CLSTN1: variants seen among roughly 807,000 people sequenced by gnomAD.
CLSTN1 encodes calsyntenin 1.
A neutral mutation model predicts 108.3 loss-of-function variants in CLSTN1; 28 were observed. The ratio of observed to expected loss-of-function variants is 0.26; its 90% confidence interval spans 0.19 to 0.35. CLSTN1 has a LOEUF of 0.35. Ranked by LOEUF, CLSTN1 falls within the 10% of genes least tolerant of loss-of-function variation. The pLI is 1.00. For missense variants in CLSTN1, 1,157 were observed against 1,302.6 expected (o/e 0.89, Z 1.72); for synonymous variants, 524 against 534.9 (o/e 0.98, Z 0.28).
intron 10 of CLSTN1, 59 bp downstream of exon 10, chr1:9,741,035 A>T: frequency 1.3e-6 from 2 of 1,564,620 alleles, no homozygotes; most frequent in Non-Finnish European, 1.7e-6. Context: ...GCTGCCACCA[A>T]CCTAGTAAAG....
At chr1:9,812,289 G>A (rs965868214) in intron 1 of CLSTN1, among the ~76,000 whole-genome samples, 1 of 152,104 alleles carries the variant, frequency 6.6e-6, no homozygotes, top group Admixed American at 6.6e-5. Flanking sequence ...GCTTGTTGCT[G>A]AGGATGGAAA....
chr1:9,812,936 G>A (rs1389142005), intron 1 of CLSTN1, among the ~76,000 whole-genome samples: 1 of 151,990 alleles, frequency 6.6e-6, no homozygotes, highest in Non-Finnish European at 1.5e-5. Context: ...GGCTGAGGTG[G>A]GAGGATCACT....
intron 16 of CLSTN1, among the ~76,000 whole-genome samples, 182 bp downstream of exon 16, chr1:9,733,219 T>A (rs907354751): frequency 6.6e-6 from 1 of 151,846 alleles, no homozygotes; most frequent in African/African-American, 2.4e-5. Context: ...AACTTGTCAC[T>A]CCAACAAGCC....
At chr1:9,824,354 C>A (rs557982918), upstream of CLSTN1, 1 of 152,172 alleles carries the variant, frequency 6.6e-6, no homozygotes, top group Non-Finnish European at 1.5e-5. The surrounding 1 kb of genome is among the most constrained non-coding windows in gnomAD (Gnocchi z 5.0). Flanking sequence ...TCCTTCTCCA[C>A]CCCGAGGACT....
intron 10 of CLSTN1, among the ~76,000 whole-genome samples, chr1:9,738,961 A>T (rs1650836181): frequency 6.6e-6 from 1 of 152,108 alleles, no homozygotes; most frequent in African/African-American, 2.4e-5. Flanking sequence ...CATCTTTCAT[A>T]AATTTCTAAC....
intron 11 of CLSTN1, among the ~76,000 whole-genome samples, chr1:9,736,859 A>G (rs1650717358): frequency 6.6e-6 from 1 of 152,096 alleles, no homozygotes. Flanking sequence ...GGATCACCTG[A>G]GGTCAGAGTT....
chr1:9,729,420 G>A lies in CLSTN1; in HGVS notation c.*1088C>T, dbSNP rs1443916740. On this transcript the variant is annotated 3_prime_UTR_variant, in exon 19 of 19. Coordinates refer to ENST00000377298, the MANE Select transcript of CLSTN1 (RefSeq NM_001009566.3). Reference sequence around the variant, plus strand: ...AGGGATTTCAACCCCCCTGATGGCAGGGGGTGCTCTGGGGAGGAGAGAGGA... The same window carrying A: ...AGGGATTTCAACCCCCCTGATGGCAAGGGGTGCTCTGGGGAGGAGAGAGGA... 2 of 152,652 alleles carry A rather than the reference G, an allele frequency of 1.3e-5. No individual in the cohort carries two copies. Among genetic ancestry groups the A allele is most frequent in the Admixed American group, 1.3e-4 (2 of 15,274 alleles). The allele number at this position is 152,652 out of a possible 1,614,324, so 9.5% of individuals were successfully genotyped here. A position where few individuals can be genotyped will look rare whatever the true frequency, so the allele number is the denominator to read the frequency against.
intron 1 of CLSTN1, among the ~76,000 whole-genome samples, chr1:9,785,052 A>G (rs920009920): frequency 6.6e-6 from 1 of 151,698 alleles, no homozygotes; most frequent in Non-Finnish European, 1.5e-5. Context: ...AGTGAAATAA[A>G]ACTACAATGT....
At position 9,744,325 on chromosome 1, in the gene CLSTN1, G is replaced by T. The variant is rs562481687; in HGVS notation, c.1234+70C>A. 283 of 1,534,692 alleles carry T rather than the reference G, an allele frequency of 1.8e-4. 1 individual carries two copies. In the African/African-American group the frequency reaches 3.5e-3, roughly 19 times the overall value. ...GGCAGGGGACCCTGGGAAAGGAGAG[G>T]GAGCCTGCCGCTGGCACCCACCCTA... On this transcript the variant is annotated intron_variant, in intron 8 of 18. Transcript: ENST00000377298.
rs1385126137 is a variant in CLSTN1, at chr1:9,741,249, T to C, written c.1364A>G (p.Asp455Gly). The change falls in exon 10 of 19, where the codon GAT becomes GGT. Residue 455 changes from aspartate (D) to glycine (G), a missense_variant. Physicochemically the swap from Asp to Gly is moderately conservative, Grantham distance 94 (BLOSUM62 -1). Transcript: ENST00000377298. Reference sequence around the variant, plus strand: ...GAGGACGTAGTGGTGCCATTCCTCATCACAGACCTACAGAGGCAAAGGGAA... The same window carrying C: ...GAGGACGTAGTGGTGCCATTCCTCACCACAGACCTACAGAGGCAAAGGGAA... The part of the protein sequence containing the change: ...EFHWKLNQVC[D>G]EEWHHYVLNV... The C allele has an allele frequency of 2.5e-6, 4 of 1,609,156 alleles. No individual in the cohort carries two copies. Among genetic ancestry groups the C allele is most frequent in the Non-Finnish European group, 3.4e-6 (4 of 1,175,982 alleles).
intron 1 of CLSTN1, among the ~76,000 whole-genome samples, chr1:9,774,376 G>A (rs1030284751): frequency 2.6e-5 from 4 of 151,996 alleles, no homozygotes; most frequent in African/African-American, 9.7e-5. Context: ...GACCAGCCTG[G>A]CCAATATGTT....
chr1:9,770,935 G>T lies in CLSTN1; in HGVS notation c.214+2337C>A, dbSNP rs190425155. On this transcript the variant is annotated intron_variant, in intron 2 of 18. Transcript: ENST00000377298. Reference sequence around the variant, plus strand: ...TTGAATCTGGGAGGCGGAGGTTGCAGTGAGCCGAAATTGCACCACTGGACT... The same window carrying T: ...TTGAATCTGGGAGGCGGAGGTTGCATTGAGCCGAAATTGCACCACTGGACT... Among the ~76,000 whole-genome samples, 255 of 152,302 alleles carry T rather than the reference G, an allele frequency of 1.7e-3. 2 individuals are homozygous for T. The highest frequency in any genetic ancestry group is 5.8e-3 in the African/African-American group (241 of 41,560).
chr1:9,810,351 C>G (rs964329749), intron 1 of CLSTN1, among the ~76,000 whole-genome samples: 2 of 147,922 alleles, frequency 1.4e-5, no homozygotes, highest in African/African-American at 5.0e-5. Flanking sequence ...GAGTGTACAC[C>G]TGTAATCCCA....
chr1:9,799,371 G>T (rs1273618347), intron 1 of CLSTN1, among the ~76,000 whole-genome samples: 1 of 152,128 alleles, frequency 6.6e-6, no homozygotes, highest in African/African-American at 2.4e-5. Context: ...GCCGGGCGCG[G>T]TGGCTCACGC....
At chr1:9,776,491 G>T (rs918938368) in intron 1 of CLSTN1, among the ~76,000 whole-genome samples, 4 of 151,928 alleles carry the variant, frequency 2.6e-5, no homozygotes, top group African/African-American at 9.7e-5. Context: ...GCTTCAAAAT[G>T]GTAGACAGGA....
At chr1:9,795,919 C>T (rs987386908) in intron 1 of CLSTN1, among the ~76,000 whole-genome samples, 3 of 149,316 alleles carry the variant, frequency 2.0e-5, no homozygotes, top group Non-Finnish European at 4.4e-5. Context: ...CACACTACTG[C>T]ACTCCAGCGT....
chr1:9,775,335 A>G (rs1194770538), intron 1 of CLSTN1, among the ~76,000 whole-genome samples: 1 of 143,816 alleles, frequency 7.0e-6, no homozygotes, highest in Non-Finnish European at 1.5e-5. Flanking sequence ...GGACACCCCC[A>G]CCCTCCTCTC....
chr1:9,818,992 C>A (rs1187820139), intron 1 of CLSTN1, among the ~76,000 whole-genome samples: 1 of 151,002 alleles, frequency 6.6e-6, no homozygotes, highest in African/African-American at 2.4e-5. Flanking sequence ...GATGGGGTTT[C>A]ACCGTGTTAG....
chr1:9,759,576 C>A (rs1196907423), intron 2 of CLSTN1, among the ~76,000 whole-genome samples: 1 of 152,240 alleles, frequency 6.6e-6, no homozygotes, highest in Non-Finnish European at 1.5e-5. Context: ...GCCACCGCGC[C>A]TGGCCTCAAA....
Sources: allele counts gnomAD v4.1 joint callset (sites outside exome capture counted in the v4.1 genomes callset), GRCh38; gene constraint gnomAD v4.1.1; non-coding constraint Gnocchi (gnomAD v3.1); transcripts MANE v1.5; gene names NCBI Gene and HGNC (gene_info 2026-07-23, HGNC 2026-07-21).